Variants in PAFAH1B2 observed in about 807,000 individuals in gnomAD.
The protein encoded by PAFAH1B2 is platelet-activating factor acetylhydrolase IB subunit alpha2.
PAFAH1B2 carries 8 observed loss-of-function variants against 28.0 expected under a neutral mutation model. The ratio of observed to expected loss-of-function variants is 0.29; its 90% CI spans 0.17 to 0.52. PAFAH1B2 has a LOEUF of 0.52. Ranked by LOEUF, PAFAH1B2 falls within the 20% of genes least tolerant of loss-of-function variation. The probability of loss-of-function intolerance (pLI) is 0.97; values close to 1 mark genes in which losing one functional copy is unlikely to be tolerated. For synonymous variants in PAFAH1B2, 104 were observed against 103.2 expected (o/e 1.01, Z -0.05); for missense variants, 190 against 282.6 (o/e 0.67, Z 2.35).
At chr11:117,150,403 G>A (rs926262625) in intron 1 of PAFAH1B2, among the ~76,000 whole-genome samples, 2 of 151,516 alleles carry the variant, frequency 1.3e-5, no homozygotes, top group East Asian at 3.9e-4. Context: ...ACCTGCTTTG[G>A]CTTCCCAAAG....
At chr11:117,154,029 A>G (rs921912764) in intron 2 of PAFAH1B2, among the ~76,000 whole-genome samples, 2 of 151,480 alleles carry the variant, frequency 1.3e-5, no homozygotes, top group African/African-American at 4.9e-5. Flanking sequence ...CGGGAGGATC[A>G]CTTGAGCCCA....
Position 117,152,606 on chromosome 11 carries a change from C to T in PAFAH1B2, c.81+78C>T. 3.0e-6 allele frequency: 3 copies of T among 1,014,774 alleles called. No homozygotes were observed. The South Asian group carries it at 3.9e-5, about 13-fold the overall frequency. The allele number at this position is 1,014,774 out of a possible 1,614,324, so 62.9% of individuals were successfully genotyped here. A position where few individuals can be genotyped will look rare whatever the true frequency, so the allele number is the denominator to read the frequency against. On this transcript the variant is annotated intron_variant, in intron 2 of 5. Coordinates refer to ENST00000527958, the MANE Select transcript of PAFAH1B2 (RefSeq NM_002572.4). Reference sequence around the variant, plus strand: ...GTCTGTTTTGTTTTAGTTTTTGAGACAAGGTCTCACTGTGTTGCCCAGGCT... The same window carrying T: ...GTCTGTTTTGTTTTAGTTTTTGAGATAAGGTCTCACTGTGTTGCCCAGGCT...
Position 117,170,289 on chromosome 11 carries a change from G to A in PAFAH1B2, c.*2590G>A. 5.6e-6 allele frequency: 6 copies of A among 1,062,468 alleles called. No individual in the cohort carries two copies. Among genetic ancestry groups the A allele is most frequent in the Non-Finnish European group, 5.7e-6 (5 of 877,976 alleles). 65.8% of individuals were successfully genotyped at this position (1,062,468 alleles called of 1,614,324 possible). On this transcript the variant is annotated 3_prime_UTR_variant, in exon 6 of 6. Transcript: ENST00000527958. Reference sequence around the variant, plus strand: ...AAGGGGCCAACTTTCCAGGCAGCTAGCAGAGATACTATTCTCTTCCTCTCC... The same window carrying A: ...AAGGGGCCAACTTTCCAGGCAGCTAACAGAGATACTATTCTCTTCCTCTCC...
intron 4 of PAFAH1B2, among the ~76,000 whole-genome samples, chr11:117,163,159 C>T (rs558365678): frequency 1.5e-4 from 23 of 151,770 alleles, no homozygotes; most frequent in Admixed American, 8.5e-4. Context: ...TGATAGGAGG[C>T]ATAAATCGAT....
intron 4 of PAFAH1B2, among the ~76,000 whole-genome samples, chr11:117,162,535 C>T (rs747304041): frequency 4.7e-5 from 7 of 148,364 alleles, no homozygotes; most frequent in Non-Finnish European, 7.4e-5. Flanking sequence ...GAGGCTGAGG[C>T]ACGCAGATCA....
intron 1 of PAFAH1B2, among the ~76,000 whole-genome samples, chr11:117,150,243 G>T (rs767737892): frequency 7.2e-5 from 11 of 152,176 alleles, no homozygotes; most frequent in Non-Finnish European, 1.6e-4. Context: ...CGCCTGCCAG[G>T]TTCCAGCGAT....
rs1956173262 is a variant in PAFAH1B2, at chr11:117,152,428, CG to C, written c.-7-12del. On this transcript the variant is annotated splice_polypyrimidine_tract_variant and intron_variant, in intron 1 of 5. Coordinates refer to ENST00000527958, the MANE Select transcript of PAFAH1B2 (RefSeq NM_002572.4). ...GTTAACAAATGAAACATGACATAGA[CG>C]TTTTTTCTCAGGTGTAGAATGAGCC... is the stretch of plus-strand genomic sequence containing the variant. 6 of 1,541,462 alleles carry C rather than the reference CG, an allele frequency of 3.9e-6. No homozygotes were observed. The Admixed American group carries it at 6.7e-5, about 17-fold the overall frequency.
chr11:117,146,720 G>A (rs1056437179), intron 1 of PAFAH1B2, among the ~76,000 whole-genome samples: 1 of 151,962 alleles, frequency 6.6e-6, no homozygotes, highest in Admixed American at 6.6e-5. Context: ...AACACAGCCG[G>A]CTGGGTGCTG....
At position 117,163,792 on chromosome 11, in the gene PAFAH1B2, C is replaced by T; in HGVS notation, c.311C>T (p.Thr104Ile). ...KPKVIVVWVG[T>I]NNHENTAEEV... ...CAGGTCATTGTTGTCTGGGTAGGAA[C>T]AAATAACCACGAAAATACAGCAGAA... is the stretch of plus-strand genomic sequence containing the variant. The change falls in exon 5 of 6, where the codon ACA becomes ATA. Residue 104 changes from threonine to isoleucine, a missense_variant. Physicochemically the swap from Thr to Ile is moderately conservative, Grantham distance 89 (BLOSUM62 -1). Transcript: ENST00000527958. 6.2e-7 allele frequency: 1 copy of T among 1,613,544 alleles called. No individual in the cohort carries two copies. The highest frequency in any genetic ancestry group is 8.5e-7 in the Non-Finnish European group (1 of 1,179,778).
chr11:117,168,158 C>G lies in PAFAH1B2; in HGVS notation c.*459C>G. ...AATTTAGCCTTTTGTTTTTATGTTG[C>G]TTAGATTCTTATGTATACTGAATAT... On this transcript the variant is annotated 3_prime_UTR_variant, in exon 6 of 6. Coordinates refer to ENST00000527958, the MANE Select transcript of PAFAH1B2 (RefSeq NM_002572.4). 9.5e-7 allele frequency: 1 copy of G among 1,049,960 alleles called. No homozygotes were observed. The highest frequency in any genetic ancestry group is 1.2e-6 in the Non-Finnish European group (1 of 867,964). The allele number at this position is 1,049,960 out of a possible 1,614,324, so 65.0% of individuals were successfully genotyped here. A position where few individuals can be genotyped will look rare whatever the true frequency, so the allele number is the denominator to read the frequency against.
intron 1 of PAFAH1B2, among the ~76,000 whole-genome samples, chr11:117,146,143 A>G (rs1279163208): frequency 4.4e-5 from 6 of 135,878 alleles, no homozygotes; most frequent in African/African-American, 1.7e-4. Flanking sequence ...TGTGTGTGTG[A>G]CGGAGTCTCA....
chr11:117,162,333 G>T lies in PAFAH1B2; in HGVS notation c.288+1072G>T, dbSNP rs985720865. Among the ~76,000 whole-genome samples, 5 of 152,024 alleles carry T rather than the reference G, an allele frequency of 3.3e-5. No individual in the cohort carries two copies. In the South Asian group the frequency reaches 1.0e-3, roughly 32 times the overall value. On this transcript the variant is annotated intron_variant, in intron 4 of 5. Coordinates refer to ENST00000527958, the MANE Select transcript of PAFAH1B2 (RefSeq NM_002572.4). ...ATTTCTTTTTGTAGACAGGGTCTTG[G>T]TCTTGTTATGTTGCCTAGGCTGGTG...
In PAFAH1B2 at chr11:117,170,378, C is replaced by G; in HGVS notation, c.*2679C>G. ...TACTAGATGGCAGCCAGTGATGGAA[C>G]TATAAAGATGTCTGTGGTCATATGT... On this transcript the variant is annotated 3_prime_UTR_variant, in exon 6 of 6. Transcript: ENST00000527958. The G allele has an allele frequency of 9.4e-7, 1 of 1,059,168 alleles. No homozygotes were observed. The highest frequency in any genetic ancestry group is 1.1e-6 in the Non-Finnish European group (1 of 876,736). 65.6% of individuals were successfully genotyped at this position (1,059,168 alleles called of 1,614,324 possible).
intron 3 of PAFAH1B2, among the ~76,000 whole-genome samples, chr11:117,160,541 G>A (rs1956350597): frequency 6.6e-6 from 1 of 152,126 alleles, no homozygotes; most frequent in Admixed American, 6.5e-5. Context: ...GAGTGCAGTG[G>A]CACAATCTCA....
At chr11:117,171,666 A>T, downstream of PAFAH1B2, 1 of 1,521,060 alleles carries the variant, frequency 6.6e-7, no homozygotes, top group Non-Finnish European at 8.8e-7. Flanking sequence ...AGATAGTGAG[A>T]CTAGAACAAG....
chr11:117,149,430 G>GTT lies in PAFAH1B2; in HGVS notation c.-7-2998_-7-2997dup, dbSNP rs746125678. On this transcript the variant is annotated intron_variant, in intron 1 of 5. Coordinates refer to ENST00000527958, the MANE Select transcript of PAFAH1B2 (RefSeq NM_002572.4). ...TTAATTTAAAAAAAGTTTTCTAATC[G>GTT]TTTTTTTTTTTTTTGAGATGGAGTC... 5.8e-5 allele frequency among the ~76,000 whole-genome samples: 5 copies of GTT among 86,086 alleles called. 1 individual carries two copies. Among genetic ancestry groups the GTT allele is most frequent in the African/African-American group, 1.4e-4 (3 of 21,582 alleles). 56.5% of individuals were successfully genotyped at this position (86,086 alleles called of 152,430 possible). A position where few individuals can be genotyped will look rare whatever the true frequency, so the allele number is the denominator to read the frequency against.
chr11:117,163,391 G>A (rs918499754), intron 4 of PAFAH1B2, among the ~76,000 whole-genome samples: 2 of 152,216 alleles, frequency 1.3e-5, no homozygotes, highest in South Asian at 2.1e-4. Flanking sequence ...AAGATTTTCG[G>A]CCGGGCGTGG....
intron 1 of PAFAH1B2, among the ~76,000 whole-genome samples, chr11:117,148,053 T>C (rs1956056523): frequency 6.7e-6 from 1 of 149,720 alleles, no homozygotes; most frequent in South Asian, 2.1e-4. Flanking sequence ...TTCTTTTTTT[T>C]TTCTTTTTTT....
chr11:117,160,096 C>G, intron 3 of PAFAH1B2, 73 bp downstream of exon 3: 1 of 1,022,438 alleles, frequency 9.8e-7, no homozygotes, highest in Non-Finnish European at 1.6e-6. Context: ...GACTTTCATT[C>G]TGAGCTGAAC....
Sources: allele counts gnomAD v4.1 joint callset (sites outside exome capture counted in the v4.1 genomes callset), GRCh38; gene constraint gnomAD v4.1.1; transcripts MANE v1.5; gene names NCBI Gene and HGNC (gene_info 2026-07-23, HGNC 2026-07-21).